Variants in PCDHA3 observed in about 807,000 individuals in gnomAD.
PCDHA3 encodes the protein protocadherin alpha-3.
PCDHA3 carries 41 observed loss-of-function variants against 62.2 expected under a neutral mutation model. The observed-to-expected ratio is 0.66, with a 90% CI of 0.51 to 0.86. PCDHA3 has a LOEUF of 0.86. PCDHA3 is among the 40% of genes least tolerant of loss of function. PCDHA3 has a pLI of 0.00. For synonymous variants in PCDHA3, 640 were observed against 555.4 expected (o/e 1.15, Z -2.14); for missense variants, 1,304 against 1,241.2 (o/e 1.05, Z -0.76).
At chr5:140,899,200 T>G (rs1554188457) in intron 1 of PCDHA3, among the ~76,000 whole-genome samples, 2 of 151,512 alleles carry the variant, frequency 1.3e-5, no homozygotes, top group Admixed American at 1.3e-4. Context: ...CCTGCCTAAT[T>G]GCCCTGGCCA....
At chr5:140,879,335 C>T (rs1388490473) in intron 1 of PCDHA3, among the ~76,000 whole-genome samples, 1 of 152,072 alleles carries the variant, frequency 6.6e-6, no homozygotes, top group Non-Finnish European at 1.5e-5. Context: ...TTAGTTTGTT[C>T]AGCTGAGAAG....
At chr5:140,862,093 G>C (rs1554155665) in intron 1 of PCDHA3, 1 of 156,518 alleles carries the variant, frequency 6.4e-6, no homozygotes, top group African/African-American at 2.4e-5. Flanking sequence ...GCCCTTTTTC[G>C]CATAGATTCA....
intron 1 of PCDHA3, among the ~76,000 whole-genome samples, chr5:140,962,145 G>A (rs1195781182): frequency 3.3e-5 from 5 of 152,074 alleles, no homozygotes; most frequent in Non-Finnish European, 7.4e-5. Flanking sequence ...AAAGTGCTGG[G>A]ATTACAGGCG....
At chr5:140,927,105 C>T in intron 1 of PCDHA3, 1 of 1,613,778 alleles carries the variant, frequency 6.2e-7, no homozygotes, top group Non-Finnish European at 8.5e-7. Flanking sequence ...TGGATCTACC[C>T]AGCGGCAATT....
At chr5:140,828,459 T>C (rs1220650558) in intron 1 of PCDHA3, 1 of 1,613,846 alleles carries the variant, frequency 6.2e-7, no homozygotes, top group Non-Finnish European at 8.5e-7. Context: ...GACGTGGAGG[T>C]GAGGGACATT....
intron 1 of PCDHA3, chr5:140,825,341 T>TATATCTAATATATATTAGATATATAA (rs1768513170): frequency 6.9e-6 from 1 of 145,948 alleles, no homozygotes; most frequent in South Asian, 2.1e-4. Flanking sequence ...TATTTTTCAA[T>TATATCTAATATATATTAGATATATAA]ATATCTAATA....
At chr5:140,869,718 T>A (rs1228223839) in intron 1 of PCDHA3, 19 of 1,613,290 alleles carry the variant, frequency 1.2e-5, no homozygotes, top group Non-Finnish European at 1.2e-5. Flanking sequence ...GAGAGAAAAC[T>A]CCGGAACTTA....
intron 3 of PCDHA3, among the ~76,000 whole-genome samples, chr5:140,983,526 A>C (rs1421450953): frequency 6.6e-6 from 1 of 152,230 alleles, no homozygotes; most frequent in African/African-American, 2.4e-5. Context: ...TGCCAAGTAC[A>C]TTGTATGTGT....
At position 140,803,589 on chromosome 5, in the gene PCDHA3, AAAGT is replaced by A; in HGVS notation, c.2393_2394+2del. 1 of 1,614,222 alleles carries A rather than the reference AAAGT, an allele frequency of 6.2e-7. No homozygotes were observed. The highest frequency in any genetic ancestry group is 1.7e-5 in the Admixed American group (1 of 60,026). On this transcript the variant is annotated splice_donor_variant and coding_sequence_variant, in exon 1 of 4. Transcript: ENST00000522353. LOFTEE classifies it high-confidence loss of function. ...GGATGTGGACGTTGATCTCTCAGCC[AAAGT>A]GAGTAATTTTTATTTATTCTTTCCA...
chr5:140,854,977 T>TAAA (rs1554147539), intron 1 of PCDHA3, among the ~76,000 whole-genome samples: 1 of 149,962 alleles, frequency 6.7e-6, no homozygotes, highest in Non-Finnish European at 1.5e-5. Flanking sequence ...GAATTATAAT[T>TAAA]AAGATTCTTT....
chr5:140,876,801 G>A lies in PCDHA3; in HGVS notation c.2394+73210G>A, dbSNP rs1015597244. 3.1e-6 allele frequency: 5 copies of A among 1,614,114 alleles called. No homozygotes were observed. The African/African-American group carries it at 6.7e-5, about 22-fold the overall frequency. On this transcript the variant is annotated intron_variant, in intron 1 of 3. Transcript: ENST00000522353. ...TGTGGGCCACGGCTAGAGTGTCCGT[G>A]GAGGTGGCCGACGTGAACGACAATG...
intron 1 of PCDHA3, among the ~76,000 whole-genome samples, chr5:140,917,890 T>C (rs782473137): frequency 1.3e-5 from 2 of 152,098 alleles, no homozygotes; most frequent in Non-Finnish European, 2.9e-5. Context: ...TTTTTTTCCA[T>C]ATGAATGTTA....
intron 1 of PCDHA3, chr5:140,829,700 G>C (rs188962276): frequency 6.2e-7 from 1 of 1,613,364 alleles, no homozygotes; most frequent in Admixed American, 1.7e-5. Context: ...TCAGGTGAGC[G>C]CGCGCGACGC....
chr5:140,843,298 G>A, intron 1 of PCDHA3: 1 of 1,595,982 alleles, frequency 6.3e-7, no homozygotes, highest in Non-Finnish European at 8.6e-7. Context: ...AACCTGCGCT[G>A]ACCGCCACGG....
In PCDHA3 at chr5:141,011,172, A is replaced by G. The variant is rs377766708; in HGVS notation, c.*1235A>G. On this transcript the variant is annotated 3_prime_UTR_variant, in exon 4 of 4. Transcript: ENST00000522353. ...TCTAACCAACTATATATCAAGACCC[A>G]AAAATTGAAGAAAAATATTGTTTTC... 53 of 153,852 alleles carry G rather than the reference A, an allele frequency of 3.4e-4. No individual in the cohort carries two copies. Among genetic ancestry groups the G allele is most frequent in the African/African-American group, 1.2e-3 (51 of 41,568 alleles). 9.5% of individuals were successfully genotyped at this position (153,852 alleles called of 1,614,324 possible).
At chr5:140,850,791 A>C in intron 1 of PCDHA3, 1 of 1,598,378 alleles carries the variant, frequency 6.3e-7, no homozygotes, top group Non-Finnish European at 8.6e-7. Flanking sequence ...GGGTAAGCAG[A>C]AGACCGACCT....
chr5:140,864,430 A>G (rs2048477187), intron 1 of PCDHA3: 1 of 152,190 alleles, frequency 6.6e-6, no homozygotes, highest in South Asian at 2.1e-4. Flanking sequence ...GTCCACAAAC[A>G]ATTTTGTTTC....
intron 1 of PCDHA3, among the ~76,000 whole-genome samples, chr5:140,915,256 T>C (rs782716023): frequency 1.3e-5 from 2 of 152,162 alleles, no homozygotes; most frequent in Non-Finnish European, 2.9e-5. Flanking sequence ...CAGGTTGTTA[T>C]TATTTTTGAC....
At chr5:140,992,954 C>T (rs1174073844) in intron 3 of PCDHA3, among the ~76,000 whole-genome samples, 4 of 152,190 alleles carry the variant, frequency 2.6e-5, no homozygotes, top group Non-Finnish European at 5.9e-5. Context: ...TTAAATCACC[C>T]CTTATACTGC....
Sources: allele counts gnomAD v4.1 joint callset (sites outside exome capture counted in the v4.1 genomes callset), GRCh38; gene constraint gnomAD v4.1.1; transcripts MANE v1.5; gene names NCBI Gene and HGNC (gene_info 2026-07-23, HGNC 2026-07-21).